Variants in MUSK observed in about 807,000 individuals in gnomAD.
MUSK encodes muscle associated receptor tyrosine kinase.
Under a neutral mutation model 88.7 loss-of-function variants are expected in MUSK, and 55 were observed. The ratio of observed to expected loss-of-function variants is 0.62; its 90% CI spans 0.50 to 0.78. The LOEUF (loss-of-function observed/expected upper bound fraction) is 0.78, where lower values mean the gene tolerates loss of function less well. Among genes scored for constraint, MUSK ranks in the 30% least tolerant of loss-of-function variants. The pLI, the probability that MUSK is intolerant of heterozygous loss-of-function variation, is 0.00. For synonymous variants in MUSK, 387 were observed against 391.9 expected, an observed-to-expected ratio of 0.99 and a Z score of 0.15; for missense variants, 1,015 against 1,074.3, an observed-to-expected ratio of 0.94 and a Z score of 0.77.
At chr9:110,740,940 T>C (rs1473158024) in intron 6 of MUSK, among the ~76,000 whole-genome samples, 2 of 151,792 alleles carry the variant, frequency 1.3e-5, no homozygotes, top group Admixed American at 1.3e-4. Flanking sequence ...AATCTAAGAG[T>C]TGAACTCATA....
In MUSK at chr9:110,801,110, T is replaced by C; in HGVS notation, c.*122T>C. 1 of 868,812 alleles carries C rather than the reference T, an allele frequency of 1.2e-6. No homozygotes were observed. The highest frequency in any genetic ancestry group is 1.6e-6 in the Non-Finnish European group (1 of 613,088). 53.8% of individuals were successfully genotyped at this position (868,812 alleles called of 1,614,324 possible). ...AGAGTAAGAGTAAACATGAGTAGTG[T>C]GTTGTTTGCTTCCCAGGGAGAGCAA... On this transcript the variant is annotated 3_prime_UTR_variant, in exon 15 of 15. Transcript: ENST00000374448.
chr9:110,697,094 G>A (rs2076440176), intron 4 of MUSK, among the ~76,000 whole-genome samples: 1 of 149,090 alleles, frequency 6.7e-6, no homozygotes, highest in Admixed American at 6.7e-5. Context: ...CTCATGGGAT[G>A]AAAGAAAATA....
At chr9:110,757,722 A>G (rs1275935736) in intron 7 of MUSK, among the ~76,000 whole-genome samples, 2 of 151,658 alleles carry the variant, frequency 1.3e-5, no homozygotes, top group African/African-American at 4.8e-5. Context: ...AATTTATTCC[A>G]TTAAAAAAAC....
At chr9:110,725,060 C>T (rs1046488630) in intron 5 of MUSK, among the ~76,000 whole-genome samples, 6 of 151,862 alleles carry the variant, frequency 4.0e-5, no homozygotes, top group African/African-American at 1.2e-4. Context: ...TCCTATATAG[C>T]AGAAATAACG....
chr9:110,772,805 T>C (rs902055474), intron 9 of MUSK, among the ~76,000 whole-genome samples: 6 of 152,112 alleles, frequency 3.9e-5, no homozygotes, highest in African/African-American at 9.7e-5. Flanking sequence ...TGCTGATAAC[T>C]GGTAAGTTTG....
At position 110,682,728 on chromosome 9, in the gene MUSK, C is replaced by T; in HGVS notation, c.134C>T (p.Ala45Val). The T allele has an allele frequency of 1.2e-6, 2 of 1,612,692 alleles. No individual in the cohort carries two copies. Among genetic ancestry groups the T allele is most frequent in the Non-Finnish European group, 1.7e-6 (2 of 1,178,878 alleles). ...ETVDALVEEV[A>V]TFMCAVESYP... is the part of the protein sequence containing the mutation. ...GTGGATGCCTTAGTTGAAGAAGTGG[C>T]TACTTTCATGTGTGCAGTGGAATCC... Residue 45 changes from alanine (A) to valine (V), a missense_variant, in exon 2 of 15, where the codon GCT becomes GTT. By Grantham distance (64) the Ala-to-Val change is moderately conservative. Transcript: ENST00000374448.
At chr9:110,735,586 C>T (rs2077021119) in intron 6 of MUSK, among the ~76,000 whole-genome samples, 1 of 151,898 alleles carries the variant, frequency 6.6e-6, no homozygotes, top group Admixed American at 6.6e-5. Context: ...AAGAGGGGTT[C>T]GTTCATGGGT....
intron 7 of MUSK, among the ~76,000 whole-genome samples, chr9:110,757,712 A>C (rs2077344920): frequency 6.6e-6 from 1 of 152,044 alleles, no homozygotes; most frequent in African/African-American, 2.4e-5. Context: ...AGTGGAATGA[A>C]ATTTATTCCA....
chr9:110,773,652 A>T (rs963064734), intron 9 of MUSK, among the ~76,000 whole-genome samples: 1 of 152,086 alleles, frequency 6.6e-6, no homozygotes, highest in African/African-American at 2.4e-5. Context: ...CATGTAAAAA[A>T]AAATTCTGTC....
At chr9:110,670,489 C>T (rs557505629) in intron 1 of MUSK, among the ~76,000 whole-genome samples, 194 of 152,238 alleles carry the variant, frequency 1.3e-3, no homozygotes, top group African/African-American at 4.6e-3. Context: ...TACACACACA[C>T]AAAACCCCCA....
At chr9:110,696,129 T>C (rs1409928148) in intron 4 of MUSK, among the ~76,000 whole-genome samples, 1 of 151,930 alleles carries the variant, frequency 6.6e-6, no homozygotes, top group Non-Finnish European at 1.5e-5. Context: ...ATACAAAAAT[T>C]AGCTGGGTGT....
intron 9 of MUSK, among the ~76,000 whole-genome samples, chr9:110,768,782 G>A (rs2077524383): frequency 6.6e-6 from 1 of 152,126 alleles, no homozygotes; most frequent in African/African-American, 2.4e-5. Context: ...ATCTCTGAAT[G>A]TTATTTTAAA....
intron 3 of MUSK, among the ~76,000 whole-genome samples, chr9:110,688,004 G>T (rs1331815332): frequency 1.3e-5 from 2 of 152,060 alleles, no homozygotes; most frequent in African/African-American, 4.8e-5. Flanking sequence ...AGTGGAAGCT[G>T]TTCTATTTTC....
intron 14 of MUSK, among the ~76,000 whole-genome samples, chr9:110,798,466 G>A (rs189006912): frequency 2.6e-5 from 4 of 152,280 alleles, no homozygotes; most frequent in African/African-American, 9.6e-5. Flanking sequence ...GCAAACAGTA[G>A]AACAATCAGG....
intron 5 of MUSK, chr9:110,728,698 AC>A (rs767738065): frequency 9.5e-6 from 15 of 1,584,830 alleles, no homozygotes; most frequent in Non-Finnish European, 1.2e-5. Flanking sequence ...AAGAAAGTGA[AC>A]CCGAACAAGA....
In MUSK at chr9:110,791,229, A is replaced by G. The variant is rs796886768; in HGVS notation, c.1927+3391A>G. 6.2e-3 allele frequency among the ~76,000 whole-genome samples: 895 copies of G among 144,448 alleles called. 9 individuals carry two copies. The highest frequency in any genetic ancestry group is 0.022 in the African/African-American group (845 of 39,186). The allele number at this position is 144,448 out of a possible 152,430, so 94.8% of individuals were successfully genotyped here. A position where few individuals can be genotyped will look rare whatever the true frequency, so the allele number is the denominator to read the frequency against. On this transcript the variant is annotated intron_variant, in intron 14 of 14. Coordinates refer to ENST00000374448, the MANE Select transcript of MUSK (RefSeq NM_005592.4). ...TTCATCTCACTAGGGAGTGCCAGAC[A>G]GTGGGCGCAGGCCAGTGTGTGTGCG...
At chr9:110,748,262 G>A (rs892483141) in intron 7 of MUSK, among the ~76,000 whole-genome samples, 5 of 135,964 alleles carry the variant, frequency 3.7e-5, no homozygotes, top group East Asian at 2.4e-4. Context: ...CCCACTCCTC[G>A]TTCTCTCTTT....
chr9:110,689,541 AG>A (rs1420841006), intron 3 of MUSK, among the ~76,000 whole-genome samples: 1 of 106,976 alleles, frequency 9.3e-6, no homozygotes, highest in African/African-American at 4.1e-5. Flanking sequence ...ATAAATATAT[AG>A]TTATATATAT....
intron 7 of MUSK, among the ~76,000 whole-genome samples, chr9:110,752,523 C>T (rs2131891664): frequency 6.6e-6 from 1 of 152,368 alleles, no homozygotes; most frequent in East Asian, 1.9e-4. Context: ...GCCATTCTGG[C>T]AATGCTTCCT....
Sources: gnomAD v4.1 joint callset for allele counts (sites outside exome capture counted in the v4.1 genomes callset) on GRCh38, gnomAD v4.1.1 for gene constraint, MANE v1.5 for transcripts, NCBI Gene and HGNC (gene_info 2026-07-23, HGNC 2026-07-21) for gene names.